The following TMOD1 variants were observed in gnomAD, a reference collection of about 807,000 sequenced individuals.
TMOD1 encodes tropomodulin-1.
TMOD1 carries 17 observed loss-of-function variants against 40.6 expected under a neutral mutation model. The ratio of observed to expected loss-of-function variants is 0.42; its 90% CI spans 0.29 to 0.63. The LOEUF is 0.63. Ranked by LOEUF, TMOD1 falls within the 20% of genes least tolerant of loss-of-function variation. The pLI, the probability that TMOD1 is intolerant of heterozygous loss-of-function variation, is 0.22. For missense variants in TMOD1, 391 were observed against 447.6 expected, an observed-to-expected ratio of 0.87 and a Z score of 1.14; for synonymous variants, 181 against 175.0, an observed-to-expected ratio of 1.03 and a Z score of -0.27.
Position 97,524,188 on chromosome 9 carries a change from G to A in TMOD1, c.-1G>A, listed in dbSNP as rs937105180. ...AGGAGACACAGACAAGTTCTTCCAC[G>A]ATGTCGTACAGACGAGAACTAGAGA... On this transcript the variant is annotated 5_prime_UTR_variant, in exon 2 of 10. Coordinates refer to ENST00000259365, the MANE Select transcript of TMOD1 (RefSeq NM_003275.4). 18 of 1,613,260 alleles carry A rather than the reference G, an allele frequency of 1.1e-5. No homozygotes were observed. The highest frequency in any genetic ancestry group is 1.6e-4 in the Middle Eastern group (1 of 6,074).
At chr9:97,579,112 C>T (rs1340413191) in intron 8 of TMOD1, among the ~76,000 whole-genome samples, 1 of 152,202 alleles carries the variant, frequency 6.6e-6, no homozygotes, top group Non-Finnish European at 1.5e-5. Context: ...CAGTGTCCCT[C>T]TGCCTGCCGT....
At chr9:97,531,092 C>T (rs1830097650) in intron 2 of TMOD1, among the ~76,000 whole-genome samples, 1 of 147,084 alleles carries the variant, frequency 6.8e-6, no homozygotes, top group African/African-American at 2.5e-5. Context: ...ATGTGATCCA[C>T]TGCACCTGGC....
At chr9:97,578,389 G>T (rs1365135245) in intron 8 of TMOD1, among the ~76,000 whole-genome samples, 1 of 152,206 alleles carries the variant, frequency 6.6e-6, no homozygotes, top group Non-Finnish European at 1.5e-5. Context: ...ACTGTAAGGT[G>T]TATGCACGTG....
chr9:97,574,599 C>A (rs1475190984), intron 8 of TMOD1, among the ~76,000 whole-genome samples: 1 of 152,260 alleles, frequency 6.6e-6, no homozygotes, highest in Non-Finnish European at 1.5e-5. Flanking sequence ...CACCTGCGGC[C>A]CCGGTGCAGG....
intron 3 of TMOD1, among the ~76,000 whole-genome samples, chr9:97,551,010 ATATATTTTTTTTTTT>A (rs1277361616): frequency 3.1e-4 from 13 of 42,242 alleles, no homozygotes; most frequent in South Asian, 9.5e-4. Context: ...ATATATATAT[ATATATTTTTTTTTTT>A]TTTTTTTTTT....
intron 8 of TMOD1, among the ~76,000 whole-genome samples, chr9:97,585,774 C>A (rs1388753334): frequency 1.4e-5 from 2 of 138,196 alleles, no homozygotes; most frequent in Non-Finnish European, 3.1e-5. Context: ...ATTGCTGATA[C>A]CCTTTCTTCC....
intron 1 of TMOD1, among the ~76,000 whole-genome samples, chr9:97,507,532 A>T (rs537191611): frequency 1.7e-3 from 256 of 152,328 alleles, no homozygotes; most frequent in Middle Eastern, 3.4e-3. Flanking sequence ...ACTCCTGGAG[A>T]ATCTGATTAG....
chr9:97,549,424 C>T (rs1332302438), intron 3 of TMOD1, among the ~76,000 whole-genome samples: 1 of 152,130 alleles, frequency 6.6e-6, no homozygotes, highest in Non-Finnish European at 1.5e-5. Flanking sequence ...ACTGGAGGAA[C>T]CTGTTATGGG....
intron 8 of TMOD1, 112 bp downstream of exon 8, chr9:97,569,149 C>A: frequency 1.4e-6 from 2 of 1,417,998 alleles, no homozygotes; most frequent in Non-Finnish European, 1.9e-6. Flanking sequence ...AAGCTCAGAG[C>A]CCAGCTTTGA....
intron 7 of TMOD1, among the ~76,000 whole-genome samples, chr9:97,566,656 G>T (rs562995324): frequency 6.6e-6 from 1 of 152,110 alleles, no homozygotes; most frequent in Non-Finnish European, 1.5e-5. Flanking sequence ...GGGCGACAGA[G>T]CGAGGCTCCA....
chr9:97,581,314 G>A (rs1825748279), intron 8 of TMOD1, among the ~76,000 whole-genome samples: 1 of 149,430 alleles, frequency 6.7e-6, no homozygotes, highest in Admixed American at 6.7e-5. Context: ...TCCCTACAAA[G>A]GACATGAACT....
chr9:97,580,501 G>A (rs1335839999), intron 8 of TMOD1, among the ~76,000 whole-genome samples: 2 of 152,130 alleles, frequency 1.3e-5, no homozygotes, highest in Admixed American at 1.3e-4. Flanking sequence ...AGCTACTTGG[G>A]AGGCTGAGTC....
intron 8 of TMOD1, among the ~76,000 whole-genome samples, chr9:97,586,866 G>A (rs915666072): frequency 9.2e-5 from 14 of 152,176 alleles, no homozygotes. Flanking sequence ...GCTTCGGCTC[G>A]CGCACGGTGC....
intron 9 of TMOD1, among the ~76,000 whole-genome samples, chr9:97,595,149 C>T (rs1238751907): frequency 6.6e-6 from 1 of 152,100 alleles, no homozygotes; most frequent in Admixed American, 6.5e-5. Flanking sequence ...ATACAAAGTG[C>T]TGTTATGATT....
At chr9:97,535,871 A>AAG (rs1830174917) in intron 2 of TMOD1, among the ~76,000 whole-genome samples, 1 of 152,226 alleles carries the variant, frequency 6.6e-6, no homozygotes, top group Non-Finnish European at 1.5e-5. Flanking sequence ...AGGTCAGGGC[A>AAG]GCTGAGCCAA....
chr9:97,506,620 A>C (rs143963205), intron 1 of TMOD1, among the ~76,000 whole-genome samples: 8 of 152,334 alleles, frequency 5.3e-5, no homozygotes, highest in Middle Eastern at 3.4e-3. Context: ...GCTAGTGTGA[A>C]TCCAAGAGCT....
At chr9:97,594,519 C>T (rs1255301801) in intron 9 of TMOD1, among the ~76,000 whole-genome samples, 1 of 152,218 alleles carries the variant, frequency 6.6e-6, no homozygotes, top group African/African-American at 2.4e-5. Flanking sequence ...GGGAGCAGGC[C>T]TCTCAGGCCT....
At chr9:97,589,730 AC>A (rs532972596) in intron 8 of TMOD1, among the ~76,000 whole-genome samples, 1 of 150,770 alleles carries the variant, frequency 6.6e-6, no homozygotes, top group African/African-American at 2.4e-5. Context: ...TCCTGTCTAG[AC>A]CCCCCCAGTA....
At chr9:97,590,565 C>CT (rs1241670466) in intron 8 of TMOD1, among the ~76,000 whole-genome samples, 1 of 151,898 alleles carries the variant, frequency 6.6e-6, no homozygotes, top group Non-Finnish European at 1.5e-5. Context: ...ACTATTATAA[C>CT]TGAGACTGTG....
Sources: allele counts gnomAD v4.1 joint callset (sites outside exome capture counted in the v4.1 genomes callset), GRCh38; gene constraint gnomAD v4.1.1; transcripts MANE v1.5; gene names NCBI Gene and HGNC (gene_info 2026-07-23, HGNC 2026-07-21).